DPP6: variants seen among roughly 807,000 people sequenced by gnomAD.
DPP6 encodes dipeptidyl peptidase like 6, also known as A-type potassium channel modulatory protein DPP6.
DPP6 carries 69 observed loss-of-function variants against 122.6 expected under a neutral mutation model. The observed-to-expected ratio is 0.56, with a 90% CI of 0.46 to 0.69. The LOEUF is 0.69. DPP6 is among the 30% of genes least tolerant of loss of function. The pLI is 0.00. For missense variants in DPP6, 928 were observed against 1,116.9 expected (o/e 0.83, Z 2.41); for synonymous variants, 418 against 433.1 (o/e 0.97, Z 0.43).
chr7:154,754,052 C>T (rs1341068705), intron 8 of DPP6, among the ~76,000 whole-genome samples: 5 of 152,068 alleles, frequency 3.3e-5, no homozygotes, highest in Admixed American at 3.3e-4. Flanking sequence ...AAACTGGAGA[C>T]CTAATTTCCT....
chr7:154,815,128 A>G (rs1799335909), intron 16 of DPP6, among the ~76,000 whole-genome samples: 1 of 152,170 alleles, frequency 6.6e-6, no homozygotes, highest in Non-Finnish European at 1.5e-5. Flanking sequence ...CAGGAACACA[A>G]AATTAAGGGC....
chr7:154,254,465 G>A (rs1421245243), intron 1 of DPP6, among the ~76,000 whole-genome samples: 3 of 152,110 alleles, frequency 2.0e-5, no homozygotes, highest in Non-Finnish European at 4.4e-5. Flanking sequence ...CATGAATTTC[G>A]AATGAAAACA....
chr7:154,582,349 A>G (rs1470227053), intron 5 of DPP6, among the ~76,000 whole-genome samples: 2 of 152,238 alleles, frequency 1.3e-5, no homozygotes, highest in Non-Finnish European at 2.9e-5. Context: ...GACAGAAATA[A>G]GTTAGTTTCC....
intron 1 of DPP6, among the ~76,000 whole-genome samples, chr7:153,992,338 CT>C (rs1189182954): frequency 6.6e-6 from 1 of 152,034 alleles, no homozygotes; most frequent in East Asian, 1.9e-4. Context: ...ACACTAGTTC[CT>C]ATTCCTGACT....
At chr7:154,610,034 G>GT (rs1437778552) in intron 5 of DPP6, among the ~76,000 whole-genome samples, 3 of 152,086 alleles carry the variant, frequency 2.0e-5, no homozygotes, top group African/African-American at 4.8e-5. Flanking sequence ...ATAGATTTTT[G>GT]TTGGGCAGCT....
intron 1 of DPP6, among the ~76,000 whole-genome samples, chr7:154,046,025 C>T (rs886934278): frequency 2.6e-5 from 4 of 151,970 alleles, no homozygotes; most frequent in Non-Finnish European, 4.4e-5. Context: ...CAGTGACTTA[C>T]CCAACAAGTA....
intron 1 of DPP6, among the ~76,000 whole-genome samples, chr7:153,964,914 C>CTTTCTTTCTTTCTT (rs778211797): frequency 8.9e-5 from 1 of 11,232 alleles, no homozygotes; most frequent in Non-Finnish European, 1.3e-4. Context: ...TTTTCTTTTC[C>CTTTCTTTCTTTCTT]TTTCTTTCTT....
intron 7 of DPP6, among the ~76,000 whole-genome samples, chr7:154,678,663 G>A (rs1224244784): frequency 2.0e-5 from 3 of 152,216 alleles, no homozygotes; most frequent in Admixed American, 6.5e-5. Flanking sequence ...AACCAATTCC[G>A]GAGAAACTTG....
the DPP6 span, among the ~76,000 whole-genome samples, chr7:153,816,414 T>A: frequency 6.6e-6 from 1 of 152,092 alleles, no homozygotes; most frequent in Non-Finnish European, 1.5e-5. Context: ...GAAATCAGTA[T>A]TAATTGTTGC....
intron 6 of DPP6, among the ~76,000 whole-genome samples, chr7:154,648,360 CTG>C (rs1305043207): frequency 6.6e-6 from 1 of 152,084 alleles, no homozygotes; most frequent in African/African-American, 2.4e-5. Flanking sequence ...CTGTCCCTTG[CTG>C]TCTAGTTTAT....
intron 1 of DPP6, among the ~76,000 whole-genome samples, chr7:154,351,424 C>A (rs1810846613): frequency 6.6e-6 from 1 of 152,118 alleles, no homozygotes; most frequent in Admixed American, 6.5e-5. Flanking sequence ...AACCCAGGAG[C>A]CAAAAATAGC....
At chr7:153,950,897 G>A (rs373850369) in intron 1 of DPP6, among the ~76,000 whole-genome samples, 6 of 152,156 alleles carry the variant, frequency 3.9e-5, no homozygotes, top group East Asian at 1.9e-4. Context: ...AACATGTCTC[G>A]TGGAATGCAA....
chr7:154,424,093 A>G (rs1817699905), intron 1 of DPP6, among the ~76,000 whole-genome samples: 1 of 152,136 alleles, frequency 6.6e-6, no homozygotes, highest in Admixed American at 6.5e-5. Context: ...CTGTTTTTGC[A>G]CGCCATTAGA....
intron 1 of DPP6, among the ~76,000 whole-genome samples, chr7:154,159,058 A>T (rs1200323200): frequency 6.6e-6 from 1 of 152,004 alleles, no homozygotes; most frequent in Non-Finnish European, 1.5e-5. Context: ...GTGTTACTGG[A>T]GGAGGGTTTT....
chr7:153,931,875 A>G (rs1473593236), intron 1 of DPP6, among the ~76,000 whole-genome samples: 1 of 152,176 alleles, frequency 6.6e-6, no homozygotes, highest in Non-Finnish European at 1.5e-5. Context: ...GCATCGCCTG[A>G]TCAGCTGAGG....
intron 12 of DPP6, among the ~76,000 whole-genome samples, chr7:154,800,485 G>A (rs1259546125): frequency 5.3e-5 from 8 of 152,218 alleles, no homozygotes; most frequent in Admixed American, 1.3e-4. Flanking sequence ...AAGGTACCGC[G>A]GTAGCAAAAT....
intron 2 of DPP6, among the ~76,000 whole-genome samples, chr7:154,448,919 C>A (rs563334168): frequency 6.6e-6 from 1 of 152,212 alleles, no homozygotes; most frequent in South Asian, 2.1e-4. Flanking sequence ...AAGATGAACT[C>A]AATGTGGACC....
intron 1 of DPP6, among the ~76,000 whole-genome samples, chr7:154,346,334 G>C (rs1191461780): frequency 2.0e-5 from 3 of 151,728 alleles, no homozygotes; most frequent in Non-Finnish European, 2.9e-5. Flanking sequence ...ATGGAGTCTT[G>C]CTCTGTCTCC....
chr7:153,888,791 A>G (rs1472400695), intron 1 of DPP6, among the ~76,000 whole-genome samples: 4 of 141,442 alleles, frequency 2.8e-5, no homozygotes, highest in African/African-American at 1.1e-4. Context: ...AGATTTGCAG[A>G]TGCTACTTTT....
Sources: gnomAD v4.1 joint callset for allele counts (sites outside exome capture counted in the v4.1 genomes callset) on GRCh38, gnomAD v4.1.1 for gene constraint, MANE v1.5 for transcripts, NCBI Gene and HGNC (gene_info 2026-07-23, HGNC 2026-07-21) for gene names.